Variants in EFCAB8 observed in about 807,000 individuals in gnomAD.
The protein encoded by EFCAB8 is EF-hand calcium binding domain 8, also known as EF-hand calcium-binding domain-containing protein 8.
Under a neutral mutation model 116.3 loss-of-function variants are expected in EFCAB8, and 100 were observed. That is an observed-to-expected ratio of 0.86 (90% confidence interval 0.73 to 1.02). The LOEUF (loss-of-function observed/expected upper bound fraction) is 1.02. Ranked by LOEUF, EFCAB8 falls within the 50% of genes least tolerant of loss-of-function variation. The pLI is 0.00. For synonymous variants in EFCAB8, 558 were observed against 567.9 expected, an observed-to-expected ratio of 0.98 and a Z score of 0.25; for missense variants, 1,320 against 1,416.9, an observed-to-expected ratio of 0.93 and a Z score of 1.10.
chr20:32,905,759 C>CAAAAA (rs571052063), intron 11 of EFCAB8, among the ~76,000 whole-genome samples: 1 of 71,504 alleles, frequency 1.4e-5, no homozygotes, highest in African/African-American at 5.4e-5. Context: ...GACTCCATCT[C>CAAAAA]AAAAAAAAAA....
intron 11 of EFCAB8, among the ~76,000 whole-genome samples, chr20:32,904,712 C>T (rs189777565): frequency 4.0e-4 from 60 of 151,746 alleles, no homozygotes; most frequent in African/African-American, 1.2e-3. Flanking sequence ...CTGCAACCTC[C>T]ACCTCCCAGG....
At chr20:32,862,268 G>A (rs998393658) in intron 1 of EFCAB8, among the ~76,000 whole-genome samples, 6 of 151,606 alleles carry the variant, frequency 4.0e-5, no homozygotes, top group African/African-American at 7.3e-5. Flanking sequence ...GTAGCTGGGT[G>A]TATAGGCATG....
At chr20:32,894,094 A>G (rs1364842874) in intron 9 of EFCAB8, among the ~76,000 whole-genome samples, 1 of 152,184 alleles carries the variant, frequency 6.6e-6, no homozygotes, top group African/African-American at 2.4e-5. Flanking sequence ...AGGGCCGCCT[A>G]GGGAACTCAT....
At chr20:32,875,256 G>A (rs1984900756) in intron 3 of EFCAB8, among the ~76,000 whole-genome samples, 1 of 152,144 alleles carries the variant, frequency 6.6e-6, no homozygotes, top group Admixed American at 6.6e-5. Flanking sequence ...ACCATGTGAG[G>A]ACAGAAGCGT....
At chr20:32,900,635 C>T (rs1202065835) in intron 11 of EFCAB8, among the ~76,000 whole-genome samples, 4 of 152,170 alleles carry the variant, frequency 2.6e-5, no homozygotes, top group Admixed American at 6.5e-5. Flanking sequence ...GGCACAATCT[C>T]GGCTCACTGC....
chr20:32,947,834 G>A (rs952483645), intron 23 of EFCAB8, among the ~76,000 whole-genome samples: 1 of 151,362 alleles, frequency 6.6e-6, no homozygotes, highest in Non-Finnish European at 1.5e-5. Flanking sequence ...TTGGGAGGCA[G>A]GTGGGAGGAT....
chr20:32,882,060 T>C (rs998544038), intron 5 of EFCAB8, among the ~76,000 whole-genome samples: 3 of 152,160 alleles, frequency 2.0e-5, no homozygotes, highest in Non-Finnish European at 2.9e-5. Flanking sequence ...TAGCTGGATG[T>C]GGTGGCAGGC....
intron 6 of EFCAB8, among the ~76,000 whole-genome samples, chr20:32,888,967 C>T (rs1312545673): frequency 4.3e-5 from 6 of 140,394 alleles, no homozygotes; most frequent in African/African-American, 1.4e-4. Context: ...TTGTGGGGGG[C>T]GGGGGGCGGA....
Position 32,885,623 on chromosome 20 carries a change from C to T in EFCAB8, c.550C>T (p.Leu184=), listed in dbSNP as rs1036434703. ...GCAGTTCTGGTCTGAGTCCTTCTCG[C>T]TGATGAGCTCCTTTAGGGTGAGTGG... ...ILQFWSESFS[L]MSSFRLNQTQ... The change falls in exon 6 of 27, where the codon CTG becomes TTG. Residue 184 remains leucine (L), a synonymous_variant. Coordinates refer to ENST00000400522, the MANE Select transcript of EFCAB8 (RefSeq NM_001143967.2). 6.4e-7 allele frequency: 1 copy of T among 1,551,796 alleles called. No homozygotes were observed. Among genetic ancestry groups the T allele is most frequent in the South Asian group, 1.2e-5 (1 of 84,064 alleles).
At chr20:32,922,479 C>T (rs1987500610) in intron 20 of EFCAB8, among the ~76,000 whole-genome samples, 1 of 152,164 alleles carries the variant, frequency 6.6e-6, no homozygotes, top group African/African-American at 2.4e-5. Context: ...AGATATCAAG[C>T]CCCTGACCTC....
chr20:32,926,961 CA>C (rs1987699523), intron 20 of EFCAB8, among the ~76,000 whole-genome samples: 1 of 151,304 alleles, frequency 6.6e-6, no homozygotes, highest in Non-Finnish European at 1.5e-5. Context: ...AATAATGCCG[CA>C]ATAAACATAC....
chr20:32,919,946 T>C, intron 19 of EFCAB8, 132 bp from the exon 20 acceptor site: 1 of 1,213,948 alleles, frequency 8.2e-7, no homozygotes, highest in South Asian at 1.4e-5. Flanking sequence ...TGAGCGCTGC[T>C]TTTCCCAGGC....
intron 2 of EFCAB8, among the ~76,000 whole-genome samples, chr20:32,867,202 G>C (rs116914782): frequency 6.6e-6 from 1 of 152,332 alleles, no homozygotes; most frequent in Non-Finnish European, 1.5e-5. Context: ...TTATGGGCAT[G>C]AGCCACCATG....
At chr20:32,920,310 G>A (rs2146260888) in intron 20 of EFCAB8, 95 bp downstream of exon 20, 1 of 1,468,220 alleles carries the variant, frequency 6.8e-7, no homozygotes, top group South Asian at 1.4e-5. Context: ...TGGGCTCGGG[G>A]CCCGGCCTGA....
intron 22 of EFCAB8, among the ~76,000 whole-genome samples, chr20:32,942,243 G>T (rs374412560): frequency 1.4e-4 from 22 of 152,178 alleles, no homozygotes; most frequent in Middle Eastern, 3.4e-3. Flanking sequence ...GGTTTCTTTT[G>T]ATTTTAATTA....
rs530870454 is a variant in EFCAB8, at chr20:32,934,298, G to C, written c.2790+2962G>C. ...GACAGGATTTTTTTTCTCTTTTAAG[G>C]CTGAATAGTATTCCATTATGTATAT... On this transcript the variant is annotated intron_variant, in intron 22 of 26. Transcript: ENST00000400522. Among the ~76,000 whole-genome samples the C allele has an allele frequency of 2.1e-3, 314 of 151,894 alleles. 1 individual carries two copies. Among genetic ancestry groups the C allele is most frequent in the Non-Finnish European group, 3.2e-3 (219 of 67,958 alleles).
In EFCAB8 at chr20:32,878,132, G is replaced by A. The variant is rs191427906; in HGVS notation, c.328-572G>A. Among the ~76,000 whole-genome samples, 364 of 152,198 alleles carry A rather than the reference G, an allele frequency of 2.4e-3. 1 individual carries two copies. The highest frequency in any genetic ancestry group is 8.4e-3 in the African/African-American group (349 of 41,524). On this transcript the variant is annotated intron_variant, in intron 4 of 26. Coordinates refer to ENST00000400522, the MANE Select transcript of EFCAB8 (RefSeq NM_001143967.2). ...AATACAAAAATTAGCTGGGAATTGT[G>A]GCATGCATTTGTGGTCCCAGCTACT... is the stretch of plus-strand genomic sequence containing the variant.
chr20:32,960,014 G>A (rs971200763), intron 25 of EFCAB8, 32 bp downstream of exon 25: 4 of 1,551,412 alleles, frequency 2.6e-6, no homozygotes, highest in Admixed American at 2.0e-5. Flanking sequence ...AGGGAGGAGT[G>A]CAGGGACCCC....
At chr20:32,889,957 C>T (rs192334596) in intron 7 of EFCAB8, among the ~76,000 whole-genome samples, 12 of 148,856 alleles carry the variant, frequency 8.1e-5, no homozygotes, top group Admixed American at 1.4e-4. Context: ...GCTGAGATCG[C>T]GCCATTGCAC....
Sources: allele counts gnomAD v4.1 joint callset (sites outside exome capture counted in the v4.1 genomes callset), GRCh38; gene constraint gnomAD v4.1.1; transcripts MANE v1.5; gene names NCBI Gene and HGNC (gene_info 2026-07-23, HGNC 2026-07-21).